PHTF2: variants seen among roughly 807,000 people sequenced by gnomAD.
PHTF2 encodes putative homeodomain transcription factor 2.
In PHTF2, 60 loss-of-function variants were observed where a neutral mutation model predicts 101.2. That is an observed-to-expected ratio of 0.59 (90% CI 0.48 to 0.73). The LOEUF is 0.73. PHTF2 is among the 30% of genes least tolerant of loss of function. The pLI is 0.00. For synonymous variants in PHTF2, 311 were observed against 307.3 expected, an observed-to-expected ratio of 1.01 and a Z score of -0.13; for missense variants, 747 against 908.7, an observed-to-expected ratio of 0.82 and a Z score of 2.29.
chr7:77,852,478 A>G (rs1796843045), intron 2 of PHTF2, among the ~76,000 whole-genome samples: 1 of 152,254 alleles, frequency 6.6e-6, no homozygotes, highest in South Asian at 2.1e-4. Flanking sequence ...GCAAAAACTA[A>G]CAAGCAAATG....
rs1805293409 is a variant in PHTF2, at chr7:77,937,933, C to G, written c.1467+95C>G. ...GAATATTATATTAGTAACCTTCTGA[C>G]CTCATTTCTTCACCCTGAAAAAAAA... On this transcript the variant is annotated intron_variant, in intron 13 of 19. Coordinates refer to ENST00000416283, the Ensembl canonical transcript of PHTF2. The G allele has an allele frequency of 1.1e-5, 6 of 528,812 alleles. No homozygotes were observed. In the Admixed American group the frequency reaches 2.1e-4, roughly 19 times the overall value. 32.8% of individuals were successfully genotyped at this position (528,812 alleles called of 1,614,324 possible).
chr7:77,933,328 T>C (rs1804783105), intron 12 of PHTF2, among the ~76,000 whole-genome samples: 1 of 152,192 alleles, frequency 6.6e-6, no homozygotes, highest in African/African-American at 2.4e-5. Context: ...CTGGTGGCAG[T>C]CTAGTCATTA....
exon 7 of PHTF2, chr7:77,901,872 A>G (rs1801425351): frequency 6.2e-6 from 10 of 1,602,824 alleles, no homozygotes; most frequent in Non-Finnish European, 8.5e-6. Context: ...GTTACAAGTA[A>G]CATCAAAGGT....
chr7:77,851,968 T>C (rs376466247), intron 2 of PHTF2, among the ~76,000 whole-genome samples: 4 of 152,194 alleles, frequency 2.6e-5, no homozygotes, highest in East Asian at 3.8e-4. Context: ...CTTCATTGAT[T>C]CACTGGTAAT....
At chr7:77,826,762 A>G (rs1201267315) in intron 1 of PHTF2, among the ~76,000 whole-genome samples, 4 of 152,222 alleles carry the variant, frequency 2.6e-5, no homozygotes, top group African/African-American at 9.7e-5. Flanking sequence ...ATGGGTGTCA[A>G]TTAGCAGTCT....
At position 77,840,235 on chromosome 7, in the gene PHTF2, T is replaced by G; in HGVS notation, c.-21T>G. 6.3e-7 allele frequency: 1 copy of G among 1,584,684 alleles called. No homozygotes were observed. The highest frequency in any genetic ancestry group is 8.7e-7 in the Non-Finnish European group (1 of 1,153,412). On this transcript the variant is annotated 5_prime_UTR_variant, in exon 2 of 20. An upstream start codon of the reference 5' UTR is lost. Transcript: ENST00000416283. ...CTCTTGCACAGCCTAAAATGACCAA[T>G]GTGTGATTTCAGTGGAATAAATGGC...
chr7:77,803,851 C>G (rs923653627), intron 1 of PHTF2, among the ~76,000 whole-genome samples: 2 of 151,638 alleles, frequency 1.3e-5, no homozygotes, highest in African/African-American at 2.4e-5. Flanking sequence ...TTTACCCACA[C>G]AAAAGAAGGG....
intron 2 of PHTF2, among the ~76,000 whole-genome samples, chr7:77,846,505 G>T (rs1796291348): frequency 6.6e-6 from 1 of 151,762 alleles, no homozygotes; most frequent in South Asian, 2.1e-4. Flanking sequence ...TGGGACATTG[G>T]TGGGTGAGGC....
At chr7:77,852,712 CT>C (rs1554360206) in intron 2 of PHTF2, among the ~76,000 whole-genome samples, 1 of 152,082 alleles carries the variant, frequency 6.6e-6, no homozygotes, top group Non-Finnish European at 1.5e-5. Context: ...TTTCTTATTG[CT>C]TTTTAACCTC....
chr7:77,805,441 G>C (rs1792897383), intron 1 of PHTF2, among the ~76,000 whole-genome samples: 1 of 152,022 alleles, frequency 6.6e-6, no homozygotes, highest in Non-Finnish European at 1.5e-5. Context: ...TGTTTCTACT[G>C]TTTATTTTGC....
intron 1 of PHTF2, among the ~76,000 whole-genome samples, chr7:77,839,066 C>T (rs531612835): frequency 6.6e-6 from 1 of 152,256 alleles, no homozygotes; most frequent in African/African-American, 2.4e-5. Context: ...TATAAAACCT[C>T]CGGTACTTTG....
chr7:77,940,685 T>A (rs370716225), intron 15 of PHTF2, 26 bp downstream of exon 14: 1 of 1,541,124 alleles, frequency 6.5e-7, no homozygotes, highest in Non-Finnish European at 8.9e-7. Context: ...TAAAAGTAGC[T>A]TTAACATGCT....
chr7:77,833,784 C>T (rs1731945173), intron 1 of PHTF2, among the ~76,000 whole-genome samples: 1 of 152,042 alleles, frequency 6.6e-6, no homozygotes. Flanking sequence ...TATGATCAAG[C>T]CACTGCACTT....
intron 3 of PHTF2, 27 bp from the exon 3 acceptor site, chr7:77,893,581 A>G (rs757863261): frequency 1.9e-6 from 2 of 1,053,996 alleles, no homozygotes. Context: ...AGCAATGACC[A>G]TTTAATGTAG....
chr7:77,854,793 C>G, exon 3 of PHTF2: 1 of 754,056 alleles, frequency 1.3e-6, no homozygotes, highest in Non-Finnish European at 2.4e-6. Context: ...TGGCTACTGC[C>G]AGTGTTCACT....
intron 12 of PHTF2, among the ~76,000 whole-genome samples, chr7:77,933,775 A>G (rs1214236096): frequency 6.7e-6 from 1 of 149,298 alleles, no homozygotes; most frequent in Non-Finnish European, 1.5e-5. Context: ...TAGGTATTTA[A>G]TAAATATTGA....
intron 9 of PHTF2, among the ~76,000 whole-genome samples, chr7:77,918,088 C>G (rs1358649338): frequency 6.6e-6 from 1 of 152,204 alleles, no homozygotes; most frequent in East Asian, 1.9e-4. Context: ...TACTCTTTCC[C>G]CTGCTTTCAC....
rs1282458532 is a variant in PHTF2 at position 77,850,194 on chromosome 7, T to A, written c.46-4539T>A. Among the ~76,000 whole-genome samples the A allele has an allele frequency of 2.0e-3, 255 of 130,170 alleles. 1 individual carries two copies. The highest frequency in any genetic ancestry group is 2.4e-3 in the East Asian group (11 of 4,636). The allele number at this position is 130,170 out of a possible 152,430, so 85.4% of individuals were successfully genotyped here. A position where few individuals can be genotyped will look rare whatever the true frequency, so the allele number is the denominator to read the frequency against. ...GGCTCAACCCTGTCTCTACAAAATT[T>A]AAAAAAAAAAAAAAAAAATCCAGGT... is the stretch of plus-strand genomic sequence containing the variant. On this transcript the variant is annotated intron_variant, in intron 2 of 19. Transcript: ENST00000416283.
At chr7:77,915,004 C>T (rs564906616) in intron 9 of PHTF2, among the ~76,000 whole-genome samples, 2 of 151,818 alleles carry the variant, frequency 1.3e-5, no homozygotes, top group African/African-American at 4.8e-5. Context: ...CTCCGCCTCC[C>T]GGGTTCAAGT....
Sources: gnomAD v4.1 joint callset for allele counts (sites outside exome capture counted in the v4.1 genomes callset) on GRCh38, gnomAD v4.1.1 for gene constraint, MANE v1.5 for transcripts, NCBI Gene and HGNC (gene_info 2026-07-23, HGNC 2026-07-21) for gene names.